EIF4ENIF1: variants seen among roughly 807,000 people sequenced by gnomAD.
EIF4ENIF1 encodes the protein eukaryotic translation initiation factor 4E nuclear import factor 1, also known as eukaryotic translation initiation factor 4E transporter.
Under a neutral mutation model 110.5 loss-of-function variants are expected in EIF4ENIF1, and 23 were observed. The observed-to-expected ratio is 0.21, with a 90% confidence interval of 0.15 to 0.29. EIF4ENIF1 has a LOEUF of 0.29. Ranked by LOEUF, EIF4ENIF1 falls within the 10% of genes least tolerant of loss-of-function variation. EIF4ENIF1 has a pLI of 1.00. For missense variants in EIF4ENIF1, 1,031 were observed against 1,221.1 expected (o/e 0.84, Z 2.32); for synonymous variants, 440 against 437.0 (o/e 1.01, Z -0.09).
chr22:31,440,180 G>T, intron 18 of EIF4ENIF1, 59 bp from the exon 19 acceptor site: 2 of 1,612,128 alleles, frequency 1.2e-6, no homozygotes, highest in Non-Finnish European at 1.7e-6. Context: ...ATTAGACCCT[G>T]CTTCATTCAA....
intron 14 of EIF4ENIF1, chr22:31,446,902 C>A: frequency 2.5e-6 from 1 of 407,532 alleles, no homozygotes; most frequent in Non-Finnish European, 4.9e-6. Context: ...AGAGTGAACT[C>A]AGTACTCTAC....
intron 10 of EIF4ENIF1, among the ~76,000 whole-genome samples, chr22:31,452,647 G>C (rs2050709103): frequency 6.6e-6 from 1 of 152,184 alleles, no homozygotes; most frequent in African/African-American, 2.4e-5. Flanking sequence ...CACCATTGCA[G>C]TCAGCACCCA....
chr22:31,446,375 C>T (rs971627518), intron 14 of EIF4ENIF1, among the ~76,000 whole-genome samples: 8 of 150,826 alleles, frequency 5.3e-5, no homozygotes, highest in African/African-American at 1.7e-4. Flanking sequence ...ACAGAAAGCA[C>T]GTGAGAGGGG....
chr22:31,462,830 A>G (rs2051040039), intron 6 of EIF4ENIF1, 102 bp downstream of exon 6: 1 of 1,235,292 alleles, frequency 8.1e-7, no homozygotes, highest in South Asian at 1.4e-5. Flanking sequence ...TGATCCGCCC[A>G]CCTCGGCCTC....
chr22:31,442,259 AAC>A, intron 16 of EIF4ENIF1, 141 bp from the exon 17 acceptor site: 3 of 677,008 alleles, frequency 4.4e-6, no homozygotes, highest in Middle Eastern at 4.0e-4. Flanking sequence ...ACACGGTAGG[AAC>A]CATCGTTTGC....
intron 18 of EIF4ENIF1, 100 bp from the exon 19 acceptor site, chr22:31,440,221 G>C: frequency 1.3e-6 from 2 of 1,552,124 alleles, no homozygotes; most frequent in Non-Finnish European, 1.8e-6. Flanking sequence ...TTTACTAGAG[G>C]ATTTTTTCTA....
At chr22:31,472,630 C>A (rs1910621976) in intron 2 of EIF4ENIF1, among the ~76,000 whole-genome samples, 1 of 152,128 alleles carries the variant, frequency 6.6e-6, no homozygotes, top group Non-Finnish European at 1.5e-5. Context: ...CATCCATATA[C>A]TATGTACCTA....
chr22:31,465,885 T>C (rs1569090252), intron 4 of EIF4ENIF1, among the ~76,000 whole-genome samples: 1 of 152,184 alleles, frequency 6.6e-6, no homozygotes, highest in Non-Finnish European at 1.5e-5. Flanking sequence ...CTATTCTTAA[T>C]GAAAAAAGCT....
chr22:31,460,151 T>A (rs985059066), intron 6 of EIF4ENIF1, among the ~76,000 whole-genome samples: 2 of 152,230 alleles, frequency 1.3e-5, no homozygotes, highest in Non-Finnish European at 2.9e-5. Context: ...TACATTATCC[T>A]AGGGAACACT....
At chr22:31,456,260 G>A (rs905877076) in intron 7 of EIF4ENIF1, among the ~76,000 whole-genome samples, 2 of 130,144 alleles carry the variant, frequency 1.5e-5, no homozygotes, top group Non-Finnish European at 3.1e-5. Context: ...GTCTCGCTCT[G>A]TCACCCAGGC....
upstream of EIF4ENIF1, among the ~76,000 whole-genome samples, chr22:31,492,770 C>T (rs545835179): frequency 2.0e-5 from 3 of 152,258 alleles, no homozygotes; most frequent in South Asian, 4.1e-4. Context: ...CTCGCTGTAT[C>T]GCCCAGGCTG....
intron 4 of EIF4ENIF1, among the ~76,000 whole-genome samples, chr22:31,467,123 C>T (rs775386539): frequency 2.0e-5 from 3 of 152,182 alleles, no homozygotes; most frequent in South Asian, 4.1e-4. Context: ...CCGAAGTTTA[C>T]GCGACCCATT....
At chr22:31,456,306 C>A (rs1454269962) in intron 7 of EIF4ENIF1, among the ~76,000 whole-genome samples, 1 of 150,792 alleles carries the variant, frequency 6.6e-6, no homozygotes, top group African/African-American at 2.4e-5. Flanking sequence ...TCACTGCAAG[C>A]TCCGCCTCCC....
At position 31,455,955 on chromosome 22, in the gene EIF4ENIF1, G is replaced by A. The variant is rs747386113; in HGVS notation, c.996C>T (p.Val332=). ...ACCACCTACTGAACCGACTGGCAGA[G>A]ACTGACCCTTCTCCCAAAACATCTT... ...MIEDVLGEGS[V]SASRFSRWFS... The change falls in exon 8 of 19, where the codon GTC becomes GTT. Residue 332 remains valine, a synonymous_variant. Transcript: ENST00000330125. The A allele has an allele frequency of 6.2e-7, 1 of 1,614,072 alleles. No individual in the cohort carries two copies. The highest frequency in any genetic ancestry group is 1.1e-5 in the South Asian group (1 of 91,068).
At chr22:31,479,322 A>T in intron 2 of EIF4ENIF1, 1 of 152,132 alleles carries the variant, frequency 6.6e-6, no homozygotes, top group Admixed American at 6.5e-5. Context: ...CGGCCTCCCA[A>T]AGTGTTAGGA....
chr22:31,463,483 C>A (rs753743267), intron 5 of EIF4ENIF1, among the ~76,000 whole-genome samples, 198 bp downstream of exon 5: 6 of 151,940 alleles, frequency 3.9e-5, no homozygotes, highest in Non-Finnish European at 7.4e-5. Flanking sequence ...GCTTGAGAGA[C>A]CAGCCTGACT....
At chr22:31,465,556 C>T (rs982188146) in intron 4 of EIF4ENIF1, among the ~76,000 whole-genome samples, 4 of 152,192 alleles carry the variant, frequency 2.6e-5, no homozygotes, top group Non-Finnish European at 5.9e-5. Flanking sequence ...AAGTGCAACT[C>T]TCATACACCA....
intron 4 of EIF4ENIF1, among the ~76,000 whole-genome samples, chr22:31,466,764 T>C (rs2051204692): frequency 6.6e-6 from 1 of 152,086 alleles, no homozygotes; most frequent in Non-Finnish European, 1.5e-5. Flanking sequence ...AGACATCAAA[T>C]GGTATACTTT....
intron 2 of EIF4ENIF1, among the ~76,000 whole-genome samples, chr22:31,477,533 T>C (rs2146066600): frequency 6.6e-6 from 1 of 152,322 alleles, no homozygotes; most frequent in East Asian, 1.9e-4. Flanking sequence ...TCATTTTCAC[T>C]TCCGTATTCC....
Sources: gnomAD v4.1 joint callset for allele counts (sites outside exome capture counted in the v4.1 genomes callset) on GRCh38, gnomAD v4.1.1 for gene constraint, MANE v1.5 for transcripts, NCBI Gene and HGNC (gene_info 2026-07-23, HGNC 2026-07-21) for gene names.